The following FAAH2 variants were observed in gnomAD, a reference collection of about 807,000 sequenced individuals.
The protein encoded by FAAH2 is fatty acid amide hydrolase 2.
Under a neutral mutation model 36.9 loss-of-function variants are expected in FAAH2, and 60 were observed. That is an observed-to-expected ratio of 1.63 (90% CI 1.32 to 2.02). The LOEUF is 2.02. FAAH2 is among the 30% of genes most tolerant of loss of function. The pLI, the probability that FAAH2 is intolerant of heterozygous loss-of-function variation, is 0.00. For synonymous variants in FAAH2, 214 were observed against 143.8 expected, an observed-to-expected ratio of 1.49 and a Z score of -3.49; for missense variants, 689 against 397.5, an observed-to-expected ratio of 1.73 and a Z score of -6.23.
At chrX:57,277,121 A>G in the FAAH2 span, among the ~76,000 whole-genome samples, 1 of 111,537 alleles carries the variant, frequency 9.0e-6, no homozygotes, top group Non-Finnish European at 1.9e-5. Flanking sequence ...AGACACAACA[A>G]AAAAAGAGAA....
chrX:57,420,866 A>G (rs1017370680), intron 7 of FAAH2, among the ~76,000 whole-genome samples: 2 of 111,587 alleles, frequency 1.8e-5, no homozygotes, highest in East Asian at 2.8e-4. Flanking sequence ...TTTGTCATAG[A>G]TAGCTCTTAT....
chrX:57,157,565 CT>C, the FAAH2 span, among the ~76,000 whole-genome samples: 1 of 111,608 alleles, frequency 9.0e-6, no homozygotes, highest in East Asian at 2.8e-4. Context: ...CACACAGATT[CT>C]TCTGGCTGCC....
chrX:57,372,095 CT>C (rs34174955), intron 5 of FAAH2, among the ~76,000 whole-genome samples: 59,740 of 109,904 alleles, frequency 0.54, 14,374 homozygotes, highest in Non-Finnish European at 0.75. Context: ...GTGAATAGTG[CT>C]GTGATGAACA....
chrX:57,301,744 A>G (rs1048692174), intron 2 of FAAH2, among the ~76,000 whole-genome samples: 1 of 111,313 alleles, frequency 9.0e-6, no homozygotes, highest in African/African-American at 3.3e-5. Context: ...TCAACATTGC[A>G]TAGTCATTTT....
chrX:57,135,927 C>T, the FAAH2 span: 2 of 1,210,072 alleles, frequency 1.7e-6, no homozygotes. Context: ...CATGCCGATC[C>T]TTTTGGAGCC....
the FAAH2 span, among the ~76,000 whole-genome samples, chrX:57,126,301 T>G: frequency 8.9e-6 from 1 of 112,204 alleles, no homozygotes; most frequent in Non-Finnish European, 1.9e-5. Flanking sequence ...TTAACTGTAA[T>G]AGACATCAAT....
chrX:57,293,861 G>A (rs1266041839), intron 2 of FAAH2, among the ~76,000 whole-genome samples: 1 of 110,536 alleles, frequency 9.0e-6, no homozygotes. Flanking sequence ...GGGGAGCATG[G>A]CAGGGCAGTG....
chrX:57,401,018 G>A (rs1185398858), intron 7 of FAAH2, among the ~76,000 whole-genome samples: 1 of 111,518 alleles, frequency 9.0e-6, no homozygotes, highest in Non-Finnish European at 1.9e-5. Flanking sequence ...AGCCACTTGG[G>A]AGGCTGAGGC....
the FAAH2 span, among the ~76,000 whole-genome samples, chrX:57,195,539 C>G: frequency 4.5e-5 from 5 of 111,695 alleles, no homozygotes; most frequent in African/African-American, 1.6e-4. Context: ...CAAATATTTT[C>G]TTTCATTCTG....
chrX:57,416,669 T>A (rs773349270), intron 7 of FAAH2, among the ~76,000 whole-genome samples: 7 of 112,028 alleles, frequency 6.2e-5, no homozygotes, highest in Non-Finnish European at 1.1e-4. Context: ...ATTTTTTCCT[T>A]CATTTCAACC....
chrX:57,336,512 A>G (rs2053556536), intron 4 of FAAH2, among the ~76,000 whole-genome samples: 1 of 111,665 alleles, frequency 9.0e-6, no homozygotes, highest in South Asian at 3.7e-4. Flanking sequence ...AGACACAGTA[A>G]CAATCTGATC....
intron 10 of FAAH2, among the ~76,000 whole-genome samples, chrX:57,456,262 A>T (rs980801775): frequency 1.8e-5 from 2 of 112,154 alleles, no homozygotes; most frequent in African/African-American, 6.5e-5. Context: ...GAAATAGGAG[A>T]CACAGCTTAC....
chrX:57,404,711 T>C (rs2055524351), intron 7 of FAAH2, among the ~76,000 whole-genome samples: 1 of 111,561 alleles, frequency 9.0e-6, no homozygotes, highest in African/African-American at 3.3e-5. Context: ...GAAGCATTAG[T>C]ATCTAGGAGG....
At chrX:57,170,219 T>TTTG in the FAAH2 span, among the ~76,000 whole-genome samples, 104 of 111,623 alleles carry the variant, frequency 9.3e-4, no homozygotes, top group East Asian at 3.1e-3. Flanking sequence ...TCACAGAGTA[T>TTTG]TTGTTGTTGT....
chrX:57,236,852 T>C, the FAAH2 span, among the ~76,000 whole-genome samples: 1 of 111,759 alleles, frequency 8.9e-6, no homozygotes, highest in African/African-American at 3.3e-5. Flanking sequence ...AGAAGCTTTT[T>C]AGTTCAGTGT....
chrX:57,480,983 C>T (rs1380493687), intron 10 of FAAH2, among the ~76,000 whole-genome samples: 1 of 105,833 alleles, frequency 9.4e-6, no homozygotes, highest in East Asian at 3.0e-4. Flanking sequence ...TGCCTTATTT[C>T]AGTAAGGTGA....
At chrX:57,295,092 T>G (rs1036179231) in intron 2 of FAAH2, among the ~76,000 whole-genome samples, 1 of 111,739 alleles carries the variant, frequency 8.9e-6, no homozygotes. Flanking sequence ...CCAAGACATC[T>G]GTGAAGAGGG....
chrX:57,245,851 T>C, the FAAH2 span, among the ~76,000 whole-genome samples: 1 of 110,595 alleles, frequency 9.0e-6, no homozygotes, highest in African/African-American at 3.3e-5. Flanking sequence ...TCCAAAGCTA[T>C]CAGAAGACAA....
At chrX:57,148,618 G>A in the FAAH2 span, among the ~76,000 whole-genome samples, 19 of 112,053 alleles carry the variant, frequency 1.7e-4, no homozygotes, top group Admixed American at 1.6e-3. Context: ...TTTGTACCCT[G>A]AGACTTTGCT....
Sources: allele counts gnomAD v4.1 joint callset (sites outside exome capture counted in the v4.1 genomes callset), GRCh38; gene constraint gnomAD v4.1.1; transcripts MANE v1.5; gene names NCBI Gene and HGNC (gene_info 2026-07-23, HGNC 2026-07-21).